TFPI: variants seen among roughly 807,000 people sequenced by gnomAD.
TFPI encodes tissue factor pathway inhibitor.
A neutral mutation model predicts 34.6 loss-of-function variants in TFPI; 15 were observed. That is an observed-to-expected ratio of 0.43 (90% CI 0.29 to 0.67). The LOEUF is 0.67. TFPI is among the 30% of genes least tolerant of loss of function. The probability of loss-of-function intolerance (pLI) is 0.15; values close to 1 mark genes in which losing one functional copy is unlikely to be tolerated. For missense variants in TFPI, 301 were observed against 364.0 expected, an observed-to-expected ratio of 0.83 and a Z score of 1.41; for synonymous variants, 105 against 120.1, an observed-to-expected ratio of 0.87 and a Z score of 0.82.
At chr2:187,521,003 C>A (rs1005383152) in intron 1 of TFPI, among the ~76,000 whole-genome samples, 1 of 151,794 alleles carries the variant, frequency 6.6e-6, no homozygotes, top group African/African-American at 2.4e-5. Flanking sequence ...ATATTTTATG[C>A]CCCACTCTTA....
At chr2:187,551,679 T>A (rs1422400614) in intron 1 of TFPI, among the ~76,000 whole-genome samples, 1 of 152,156 alleles carries the variant, frequency 6.6e-6, no homozygotes, top group African/African-American at 2.4e-5. Flanking sequence ...AACACTTCCC[T>A]GTTTCTGGTG....
intron 3 of TFPI, among the ~76,000 whole-genome samples, chr2:187,495,672 A>G (rs1685429354): frequency 6.6e-6 from 1 of 152,210 alleles, no homozygotes; most frequent in African/African-American, 2.4e-5. Context: ...CCCACAGGCC[A>G]AGAGCACCAT....
chr2:187,496,928 T>C lies in TFPI; in HGVS notation c.272A>G (p.Gln91Arg). The C allele has an allele frequency of 6.2e-7, 1 of 1,613,334 alleles. No homozygotes were observed. The change falls in exon 3 of 8, where the codon CAG (glutamine) becomes CGG (arginine). Residue 91 changes from glutamine to arginine, a missense_variant. Coordinates refer to ENST00000233156, the MANE Select transcript of TFPI (RefSeq NM_006287.6). ...CTCTTCCAGACTTTCAAATCGATTCTGATTTCCTTCACATCCCCCATATAT... is the reference window on the plus strand; with the variant it reads ...CTCTTCCAGACTTTCAAATCGATTCCGATTTCCTTCACATCCCCCATATAT... The part of the protein sequence containing the change: ...EFIYGGCEGN[Q>R]NRFESLEECK...
Position 187,466,896 on chromosome 2 carries a change from A to C in TFPI, c.*40T>G, listed in dbSNP as rs760296976. On this transcript the variant is annotated 3_prime_UTR_variant, in exon 8 of 8. Transcript: ENST00000233156. Reference sequence around the variant, plus strand: ...AAATCATAGTGAAACATTTCATATAAAATATTTAGTAGAATTAATGTTACA... The same window carrying C: ...AAATCATAGTGAAACATTTCATATACAATATTTAGTAGAATTAATGTTACA... 1.8e-6 allele frequency: 2 copies of C among 1,111,868 alleles called. No homozygotes were observed. The highest frequency in any genetic ancestry group is 2.9e-5 in the South Asian group (2 of 68,292). The allele number at this position is 1,111,868 out of a possible 1,614,324, so 68.9% of individuals were successfully genotyped here. A position where few individuals can be genotyped will look rare whatever the true frequency, so the allele number is the denominator to read the frequency against.
At chr2:187,514,657 C>A (rs1005232410) in intron 1 of TFPI, 1 of 152,240 alleles carries the variant, frequency 6.6e-6, no homozygotes, top group African/African-American at 2.4e-5. Flanking sequence ...ACTGGGCACT[C>A]TGCCAAATAA....
chr2:187,512,003 A>G (rs920748157), intron 1 of TFPI, among the ~76,000 whole-genome samples: 1 of 152,206 alleles, frequency 6.6e-6, no homozygotes, highest in African/African-American at 2.4e-5. Flanking sequence ...TTTAAAACCT[A>G]TAATTGATAA....
intron 6 of TFPI, among the ~76,000 whole-genome samples, chr2:187,469,625 C>T (rs1323530574): frequency 1.3e-5 from 2 of 152,068 alleles, no homozygotes. Flanking sequence ...CTAAAATCTA[C>T]TTATATAACA....
chr2:187,525,917 G>GT (rs1687653905), intron 1 of TFPI, among the ~76,000 whole-genome samples: 1 of 151,912 alleles, frequency 6.6e-6, no homozygotes, highest in Middle Eastern at 3.2e-3. Flanking sequence ...TATCAGTTCC[G>GT]TAACTTACTA....
At chr2:187,491,936 A>G (rs1685148947) in intron 3 of TFPI, among the ~76,000 whole-genome samples, 1 of 151,842 alleles carries the variant, frequency 6.6e-6, no homozygotes, top group Admixed American at 6.6e-5. Flanking sequence ...TTTAATTTGC[A>G]TTTGTCTGAT....
intron 1 of TFPI, among the ~76,000 whole-genome samples, chr2:187,546,480 T>G (rs2106324069): frequency 6.7e-6 from 1 of 149,270 alleles, no homozygotes. Context: ...CAAACGGAGG[T>G]TTTCAAGAAT....
intron 6 of TFPI, among the ~76,000 whole-genome samples, chr2:187,473,256 G>A (rs1470714593): frequency 1.3e-5 from 2 of 152,062 alleles, no homozygotes; most frequent in African/African-American, 4.8e-5. Flanking sequence ...CAGTTGGGAG[G>A]ATGATTACTA....
At chr2:187,532,689 T>A (rs1559150276) in intron 1 of TFPI, among the ~76,000 whole-genome samples, 1 of 152,132 alleles carries the variant, frequency 6.6e-6, no homozygotes, top group Non-Finnish European at 1.5e-5. Flanking sequence ...CGGGAGTTTT[T>A]TTTTTCATAC....
chr2:187,487,947 C>T (rs922384161), intron 4 of TFPI, among the ~76,000 whole-genome samples: 1 of 151,270 alleles, frequency 6.6e-6, no homozygotes, highest in Non-Finnish European at 1.5e-5. Context: ...CTCAAAATAT[C>T]TAAATCTCTA....
At chr2:187,529,709 A>T (rs962763455) in intron 1 of TFPI, among the ~76,000 whole-genome samples, 1 of 152,126 alleles carries the variant, frequency 6.6e-6, no homozygotes, top group African/African-American at 2.4e-5. Flanking sequence ...AGTGTCTCTA[A>T]CTTGGTTGCA....
intron 4 of TFPI, among the ~76,000 whole-genome samples, chr2:187,486,859 T>C (rs1693304256): frequency 6.6e-6 from 1 of 151,618 alleles, no homozygotes; most frequent in South Asian, 2.1e-4. Context: ...TGGACCAAAC[T>C]TTCTTTCTAA....
chr2:187,500,214 C>T lies in TFPI; in HGVS notation c.122-3136G>A, dbSNP rs368298255. Among the ~76,000 whole-genome samples, 52 of 152,262 alleles carry T rather than the reference C, an allele frequency of 3.4e-4. No homozygotes were observed. The East Asian group carries it at 8.5e-3, about 25-fold the overall frequency. Reference sequence around the variant, plus strand: ...CCTAGCAACAATAGCTAATGTTGCTCACTGAGTAATTACAATACCCTTGAC... The same window carrying T: ...CCTAGCAACAATAGCTAATGTTGCTTACTGAGTAATTACAATACCCTTGAC... On this transcript the variant is annotated intron_variant, in intron 2 of 7. Coordinates refer to ENST00000233156, the MANE Select transcript of TFPI (RefSeq NM_006287.6).
Position 187,501,302 on chromosome 2 carries a change from C to T in TFPI, c.121+2346G>A, listed in dbSNP as rs1685835089. Among the ~76,000 whole-genome samples, 2 of 118,896 alleles carry T rather than the reference C, an allele frequency of 1.7e-5. 1 individual carries two copies. The highest frequency in any genetic ancestry group is 7.0e-4 in the South Asian group (2 of 2,862). 78.0% of individuals were successfully genotyped at this position (118,896 alleles called of 152,430 possible). A position where few individuals can be genotyped will look rare whatever the true frequency, so the allele number is the denominator to read the frequency against. ...ACAATCCTGCCTTCCCCTTCCCTCCCCCCGCCCCATGTCCTGGGATGTTGG... is the reference window on the plus strand; with the variant it reads ...ACAATCCTGCCTTCCCCTTCCCTCCTCCCGCCCCATGTCCTGGGATGTTGG... On this transcript the variant is annotated intron_variant, in intron 2 of 7. Transcript: ENST00000233156.
chr2:187,530,948 C>T (rs762091196), intron 1 of TFPI, among the ~76,000 whole-genome samples: 3 of 152,100 alleles, frequency 2.0e-5, no homozygotes, highest in African/African-American at 2.4e-5. Context: ...TAATGGGCCT[C>T]GAGTATAAAC....
At chr2:187,497,681 G>C (rs1685578054) in intron 2 of TFPI, among the ~76,000 whole-genome samples, 1 of 151,796 alleles carries the variant, frequency 6.6e-6, no homozygotes, top group African/African-American at 2.4e-5. Flanking sequence ...AATAGAATGA[G>C]GCAATTCTTT....
Sources: allele counts gnomAD v4.1 joint callset (sites outside exome capture counted in the v4.1 genomes callset), GRCh38; gene constraint gnomAD v4.1.1; transcripts MANE v1.5; gene names NCBI Gene and HGNC (gene_info 2026-07-23, HGNC 2026-07-21).